Variants in AHRR observed in about 807,000 individuals in gnomAD.
AHRR encodes aryl hydrocarbon receptor repressor.
In AHRR, 28 loss-of-function variants were observed where a neutral mutation model predicts 44.0. The ratio of observed to expected loss-of-function variants is 0.64; its 90% CI spans 0.47 to 0.87. The LOEUF is 0.87. Among genes scored for constraint, AHRR ranks in the 40% least tolerant of loss-of-function variants. The pLI is 0.00. For synonymous variants in AHRR, 434 were observed against 407.0 expected (o/e 1.07, Z -0.80); for missense variants, 990 against 953.9 (o/e 1.04, Z -0.50).
At chr5:398,661 C>T (rs774928395) in intron 4 of AHRR, among the ~76,000 whole-genome samples, 3 of 152,204 alleles carry the variant, frequency 2.0e-5, no homozygotes, top group South Asian at 2.1e-4. Context: ...AGGCGCCGTG[C>T]GTGCCCCACC....
At chr5:341,565 C>T (rs1172747440) in intron 1 of AHRR, among the ~76,000 whole-genome samples, 2 of 136,034 alleles carry the variant, frequency 1.5e-5, no homozygotes, top group African/African-American at 2.7e-5. Context: ...CTCACTCTGT[C>T]GCCCAGGCTG....
intron 4 of AHRR, among the ~76,000 whole-genome samples, chr5:382,393 A>G (rs1454156162): frequency 6.6e-6 from 1 of 152,196 alleles, no homozygotes; most frequent in Non-Finnish European, 1.5e-5. Flanking sequence ...TGTGTCTTTC[A>G]AGGAATTGGT....
chr5:380,043 T>G (rs1036632282), intron 4 of AHRR, among the ~76,000 whole-genome samples: 1 of 152,240 alleles, frequency 6.6e-6, no homozygotes, highest in Non-Finnish European at 1.5e-5. Flanking sequence ...TTATTGTTTT[T>G]GCATGTGACT....
Position 373,954 on chromosome 5 carries a change from G to A in AHRR, c.245-2656G>A, listed in dbSNP as rs578164199. On this transcript the variant is annotated intron_variant, in intron 3 of 10. Coordinates refer to ENST00000684583, the MANE Select transcript of AHRR (RefSeq NM_001377236.1). The stretch of plus-strand genomic sequence containing the variant: ...GGGGGGAAGTGGGCGGGCGCCCGCG[G>A]GGGGCACGCGATGCCGGGAGGGGCG... Among the ~76,000 whole-genome samples, 5 of 151,692 alleles carry A rather than the reference G, an allele frequency of 3.3e-5. No homozygotes were observed. In the South Asian group the frequency reaches 1.0e-3, roughly 31 times the overall value.
chr5:413,837 CG>C (rs1735579853), intron 5 of AHRR, among the ~76,000 whole-genome samples: 1 of 152,182 alleles, frequency 6.6e-6, no homozygotes, highest in Non-Finnish European at 1.5e-5. Context: ...TCCTGACGTG[CG>C]AGTGGTTCAT....
Position 404,552 on chromosome 5 carries a change from G to T in AHRR, c.352-8792G>T, listed in dbSNP as rs563274739. 6.9e-6 allele frequency: 2 copies of T among 290,902 alleles called. No homozygotes were observed. The highest frequency in any genetic ancestry group is 7.8e-5 in the South Asian group (2 of 25,536). The allele number at this position is 290,902 out of a possible 1,614,324, so 18.0% of individuals were successfully genotyped here. A position where few individuals can be genotyped will look rare whatever the true frequency, so the allele number is the denominator to read the frequency against. ...TTCAGAAAAAGAGCAGGCGTCCTGG[G>T]CCGGGGCAGGCGATTGGTACTAAAA... is the stretch of plus-strand genomic sequence containing the variant. On this transcript the variant is annotated intron_variant, in intron 4 of 10. Transcript: ENST00000684583. The surrounding 1 kb of genome is among the most constrained non-coding windows in gnomAD (Gnocchi z 4.1).
At chr5:376,544 G>GTAAA in intron 3 of AHRR, 66 bp from the exon 4 acceptor site, 1 of 1,405,326 alleles carries the variant, frequency 7.1e-7, no homozygotes, top group Non-Finnish European at 9.6e-7. Flanking sequence ...CAGGAAAGAT[G>GTAAA]TGAATGAAGA....
At chr5:327,558 CT>C (rs995844984) in intron 1 of AHRR, among the ~76,000 whole-genome samples, 7 of 151,872 alleles carry the variant, frequency 4.6e-5, no homozygotes, top group African/African-American at 1.2e-4. Flanking sequence ...TGATTTCATT[CT>C]TTTTTTATGG....
intron 7 of AHRR, among the ~76,000 whole-genome samples, chr5:425,058 C>T (rs993887092): frequency 2.0e-5 from 3 of 152,252 alleles, no homozygotes; most frequent in African/African-American, 7.2e-5. Flanking sequence ...CCCCACAAGG[C>T]CCTCTGACTC....
At chr5:393,908 G>C (rs762188959) in intron 4 of AHRR, among the ~76,000 whole-genome samples, 1 of 152,232 alleles carries the variant, frequency 6.6e-6, no homozygotes, top group Non-Finnish European at 1.5e-5. Flanking sequence ...GATGACAGGC[G>C]TGAGCCGCTG....
Position 326,849 on chromosome 5 carries a change from G to A in AHRR, c.-11+5030G>A, listed in dbSNP as rs1443942267. ...TGAGGCAGGCGGATCACTTGAGGTC[G>A]GGAGTTCGAGACCAGCCTGACCAAT... On this transcript the variant is annotated intron_variant, in intron 1 of 10. Transcript: ENST00000684583. The surrounding 1 kb of genome is among the most constrained non-coding windows in gnomAD (Gnocchi z 4.1). Among the ~76,000 whole-genome samples the A allele has an allele frequency of 4.6e-5, 7 of 152,078 alleles. No homozygotes were observed. In the East Asian group the frequency reaches 5.8e-4, roughly 13 times the overall value.
chr5:365,711 AGAG>A (rs1251389552), intron 3 of AHRR, among the ~76,000 whole-genome samples: 1 of 152,132 alleles, frequency 6.6e-6, no homozygotes, highest in East Asian at 1.9e-4. Context: ...AGGAATATAA[AGAG>A]GAGCTATTAT....
chr5:433,724 G>A lies in AHRR; in HGVS notation c.1113-129G>A. On this transcript the variant is annotated intron_variant, in intron 10 of 10. Transcript: ENST00000684583. The stretch of plus-strand genomic sequence containing the variant: ...GTTAGAAGGCACAGCGCAGTGAGGG[G>A]TCGGTGTAGCAGCCTTGGCAGATTT... 4.5e-6 allele frequency: 5 copies of A among 1,113,684 alleles called. No individual in the cohort carries two copies. The Admixed American group carries it at 1.5e-4, about 33-fold the overall frequency. The allele number at this position is 1,113,684 out of a possible 1,614,324, so 69.0% of individuals were successfully genotyped here.
intron 4 of AHRR, among the ~76,000 whole-genome samples, chr5:390,918 G>C (rs1331263937): frequency 6.6e-6 from 1 of 152,172 alleles, no homozygotes; most frequent in Non-Finnish European, 1.5e-5. Context: ...CTTCTTTCAA[G>C]TTGTTTCTCG....
intron 4 of AHRR, among the ~76,000 whole-genome samples, chr5:377,883 C>T (rs1369818842): frequency 6.6e-6 from 1 of 152,214 alleles, no homozygotes; most frequent in Non-Finnish European, 1.5e-5. Context: ...GGCATGGAGG[C>T]TGGGGGTCAG....
chr5:330,971 G>C (rs1394149811), intron 1 of AHRR, among the ~76,000 whole-genome samples: 1 of 148,530 alleles, frequency 6.7e-6, no homozygotes. Context: ...TCTCCTCCCG[G>C]GTTCATGCCG....
chr5:417,199 G>C (rs1022904682), intron 5 of AHRR, among the ~76,000 whole-genome samples: 1 of 150,902 alleles, frequency 6.6e-6, no homozygotes. Flanking sequence ...GTCTAGAGAA[G>C]GTGGCTTGGT....
intron 2 of AHRR, among the ~76,000 whole-genome samples, chr5:352,030 C>T (rs148496298): frequency 1.8e-3 from 275 of 152,366 alleles, no homozygotes; most frequent in Middle Eastern, 3.4e-3. Context: ...CAGGTGGCCT[C>T]GTTCCTGTGG....
intron 3 of AHRR, among the ~76,000 whole-genome samples, chr5:364,421 G>T (rs1485457084): frequency 6.6e-6 from 1 of 152,110 alleles, no homozygotes; most frequent in African/African-American, 2.4e-5. Context: ...GTCATAATAT[G>T]ATACAAATTT....
Sources: gnomAD v4.1 joint callset for allele counts (sites outside exome capture counted in the v4.1 genomes callset) on GRCh38, gnomAD v4.1.1 for gene constraint, Gnocchi (gnomAD v3.1) non-coding constraint, MANE v1.5 for transcripts, NCBI Gene and HGNC (gene_info 2026-07-23, HGNC 2026-07-21) for gene names.